Variants in GDPD1 observed in about 807,000 individuals in gnomAD.
GDPD1 encodes glycerophosphodiester phosphodiesterase domain containing 1, also known as lysophospholipase D GDPD1.
In GDPD1, 28 loss-of-function variants were observed where a neutral mutation model predicts 45.1. That is an observed-to-expected ratio of 0.62 (90% confidence interval 0.46 to 0.85). The LOEUF is 0.85. GDPD1 is among the 40% of genes least tolerant of loss of function. The pLI is 0.00. For missense variants in GDPD1, 256 were observed against 364.8 expected, an observed-to-expected ratio of 0.70 and a Z score of 2.43; for synonymous variants, 139 against 131.4, an observed-to-expected ratio of 1.06 and a Z score of -0.40.
intron 2 of GDPD1, among the ~76,000 whole-genome samples, chr17:59,237,381 A>G (rs1377176773): frequency 6.6e-6 from 1 of 152,204 alleles, no homozygotes; most frequent in Non-Finnish European, 1.5e-5. Flanking sequence ...AGCCTGAGTG[A>G]CAGAGCCAGA....
intron 1 of GDPD1, among the ~76,000 whole-genome samples, chr17:59,225,094 T>C (rs974646249): frequency 6.2e-4 from 87 of 140,478 alleles, no homozygotes; most frequent in Middle Eastern, 6.9e-3. Context: ...TCTTTTCTTT[T>C]TTTTTTTTTT....
Position 59,274,654 on chromosome 17 carries a change from C to T in GDPD1, c.*881C>T, listed in dbSNP as rs2047468218. The stretch of plus-strand genomic sequence containing the variant: ...ATTAGCTGGGCGTGGTGGTGGGCAC[C>T]TTAGTCCCAGCTACTCGGGAGGCTG... On this transcript the variant is annotated 3_prime_UTR_variant, in exon 10 of 10. Coordinates refer to ENST00000284116, the MANE Select transcript of GDPD1 (RefSeq NM_182569.4). 1 of 146,998 alleles carries T rather than the reference C, an allele frequency of 6.8e-6. No homozygotes were observed. Among genetic ancestry groups the T allele is most frequent in the Non-Finnish European group, 1.5e-5 (1 of 67,050 alleles). The allele number at this position is 146,998 out of a possible 1,614,324, so 9.1% of individuals were successfully genotyped here.
Position 59,274,975 on chromosome 17 carries a change from G to A in GDPD1, c.*1202G>A. 1.9e-6 allele frequency: 1 copy of A among 522,832 alleles called. No homozygotes were observed. The highest frequency in any genetic ancestry group is 3.5e-6 in the Non-Finnish European group (1 of 288,098). 32.4% of individuals were successfully genotyped at this position (522,832 alleles called of 1,614,324 possible). On this transcript the variant is annotated 3_prime_UTR_variant, in exon 10 of 10. Transcript: ENST00000284116. The stretch of plus-strand genomic sequence containing the variant: ...TCCTGCCTCTGCCTCCCGAGTACCT[G>A]GGATTACAGGTGCCTGCTACCATGC...
At chr17:59,242,083 G>A (rs185880021) in intron 2 of GDPD1, among the ~76,000 whole-genome samples, 402 of 152,166 alleles carry the variant, frequency 2.6e-3, no homozygotes, top group Non-Finnish European at 3.9e-3. Flanking sequence ...TTGTTTTTGA[G>A]ACAGAGTCTT....
intron 2 of GDPD1, among the ~76,000 whole-genome samples, chr17:59,240,125 T>A (rs559041507): frequency 8.0e-4 from 121 of 152,184 alleles, no homozygotes; most frequent in African/African-American, 2.7e-3. Context: ...ACCCTGTCTC[T>A]ACTAAAAAAT....
chr17:59,258,115 T>A (rs1416609427), intron 6 of GDPD1, among the ~76,000 whole-genome samples: 1 of 152,010 alleles, frequency 6.6e-6, no homozygotes, highest in Non-Finnish European at 1.5e-5. Flanking sequence ...TTAGTAGAGA[T>A]GAGGTCTCAC....
At chr17:59,250,033 AT>A in intron 4 of GDPD1, among the ~76,000 whole-genome samples, 1 of 151,886 alleles carries the variant, frequency 6.6e-6, no homozygotes, top group South Asian at 2.1e-4. Flanking sequence ...AAAAAAAAAA[AT>A]TGACCACTGA....
intron 4 of GDPD1, among the ~76,000 whole-genome samples, chr17:59,249,382 C>T (rs950931136): frequency 6.6e-5 from 10 of 150,840 alleles, no homozygotes; most frequent in East Asian, 1.9e-4. Flanking sequence ...GCAACAAGAG[C>T]GAAACTCTGT....
chr17:59,251,194 T>C (rs557916966), intron 4 of GDPD1, among the ~76,000 whole-genome samples: 2 of 152,290 alleles, frequency 1.3e-5, no homozygotes, highest in South Asian at 2.1e-4. Context: ...TCCCTCTCCA[T>C]TGGAACACTA....
intron 1 of GDPD1, among the ~76,000 whole-genome samples, chr17:59,227,458 A>T (rs1212913915): frequency 6.6e-6 from 1 of 152,078 alleles, no homozygotes; most frequent in Non-Finnish European, 1.5e-5. Flanking sequence ...AGCATGCATA[A>T]AGTTAGTTAA....
At chr17:59,252,868 C>T (rs1054835240) in intron 4 of GDPD1, among the ~76,000 whole-genome samples, 4 of 151,782 alleles carry the variant, frequency 2.6e-5, no homozygotes, top group Non-Finnish European at 4.4e-5. Context: ...GACATGGTGG[C>T]GTGCGCCTGT....
chr17:59,258,769 TTCTA>T (rs2147897131), intron 6 of GDPD1, among the ~76,000 whole-genome samples: 1 of 152,242 alleles, frequency 6.6e-6, no homozygotes, highest in South Asian at 2.1e-4. Context: ...AAAATACAGT[TTCTA>T]TCTTTTAATC....
chr17:59,224,646 ACAAAAAC>A (rs1568336497), intron 1 of GDPD1, among the ~76,000 whole-genome samples: 5 of 122,934 alleles, frequency 4.1e-5, no homozygotes, highest in Non-Finnish European at 1.0e-4. Context: ...AAAACAAAAA[ACAAAAAC>A]AAAAAAAACT....
At chr17:59,222,389 G>T (rs913065474) in intron 1 of GDPD1, among the ~76,000 whole-genome samples, 7 of 147,634 alleles carry the variant, frequency 4.7e-5, no homozygotes, top group African/African-American at 1.8e-4. Flanking sequence ...TTTATTTTTA[G>T]TAGAGACGGG....
intron 1 of GDPD1, among the ~76,000 whole-genome samples, chr17:59,224,646 A>G (rs865963125): frequency 8.1e-6 from 1 of 122,934 alleles, no homozygotes; most frequent in African/African-American, 2.6e-5. Context: ...AAAACAAAAA[A>G]CAAAAACAAA....
chr17:59,221,278 C>T (rs1327046936), intron 1 of GDPD1, among the ~76,000 whole-genome samples: 2 of 152,024 alleles, frequency 1.3e-5, no homozygotes, highest in African/African-American at 4.8e-5. Flanking sequence ...CCCACCCCCA[C>T]GTTCCGAGCA....
intron 3 of GDPD1, among the ~76,000 whole-genome samples, chr17:59,247,715 C>T (rs1280738136): frequency 1.3e-5 from 2 of 151,986 alleles, no homozygotes; most frequent in Non-Finnish European, 2.9e-5. Flanking sequence ...CTGCAACCTC[C>T]GCCTCCCGGG....
rs763544418 is a variant in GDPD1 at position 59,270,197 on chromosome 17, C to CT, written c.711-725dup. Among the ~76,000 whole-genome samples, 1,063 of 143,108 alleles carry CT rather than the reference C, an allele frequency of 7.4e-3. 12 individuals carry two copies. Among genetic ancestry groups the CT allele is most frequent in the African/African-American group, 0.022 (856 of 39,440 alleles). The allele number at this position is 143,108 out of a possible 152,430, so 93.9% of individuals were successfully genotyped here. The stretch of plus-strand genomic sequence containing the variant: ...AAAAGGACTTGTACTTTATTTTGTA[C>CT]TTTTTTTTTTTTTTGAGACAGAGTT... On this transcript the variant is annotated intron_variant, in intron 7 of 9. Coordinates refer to ENST00000284116, the MANE Select transcript of GDPD1 (RefSeq NM_182569.4).
At chr17:59,221,104 C>T (rs903309047) in intron 1 of GDPD1, among the ~76,000 whole-genome samples, 7 of 151,986 alleles carry the variant, frequency 4.6e-5, no homozygotes, top group African/African-American at 1.7e-4. Flanking sequence ...AAAGGGGGAG[C>T]GCCGTGCAGA....
Sources: allele counts gnomAD v4.1 joint callset (sites outside exome capture counted in the v4.1 genomes callset), GRCh38; gene constraint gnomAD v4.1.1; transcripts MANE v1.5; gene names NCBI Gene and HGNC (gene_info 2026-07-23, HGNC 2026-07-21).